Variants in BCL11B observed in about 807,000 individuals in gnomAD.
The protein encoded by BCL11B is B-cell lymphoma/leukemia 11B.
Under a neutral mutation model 49.9 loss-of-function variants are expected in BCL11B, and 8 were observed. The ratio of observed to expected loss-of-function variants is 0.16; its 90% CI spans 0.09 to 0.29. The LOEUF is 0.29. Among genes scored for constraint, BCL11B ranks in the 10% least tolerant of loss-of-function variants. BCL11B has a pLI of 1.00. For synonymous variants in BCL11B, 739 were observed against 637.4 expected, an observed-to-expected ratio of 1.16 and a Z score of -2.40; for missense variants, 1,006 against 1,351.0, an observed-to-expected ratio of 0.74 and a Z score of 4.00.
intron 3 of BCL11B, among the ~76,000 whole-genome samples, chr14:99,229,170 G>A (rs951737410): frequency 3.9e-5 from 6 of 152,172 alleles, no homozygotes; most frequent in Non-Finnish European, 7.4e-5. Context: ...ACGGATAGAC[G>A]TGAGCTGTGA....
chr14:99,213,111 C>T lies in BCL11B; in HGVS notation c.640+18234G>A, dbSNP rs1038770177. Among the ~76,000 whole-genome samples, 1 of 152,208 alleles carries T rather than the reference C, an allele frequency of 6.6e-6. No homozygotes were observed. ...AGAGTGGGGGACCTACTGCCATCTGCTTAAAACTCACATGAGCAGACAGAC... is the reference window on the plus strand; with the variant it reads ...AGAGTGGGGGACCTACTGCCATCTGTTTAAAACTCACATGAGCAGACAGAC... On this transcript the variant is annotated intron_variant, in intron 3 of 3. Transcript: ENST00000357195. The surrounding 1 kb of genome is among the most constrained non-coding windows in gnomAD (Gnocchi z 5.1).
intron 1 of BCL11B, among the ~76,000 whole-genome samples, chr14:99,260,278 G>GC (rs1278613820): frequency 1.3e-5 from 2 of 152,172 alleles, no homozygotes; most frequent in African/African-American, 4.8e-5. Context: ...GCAAACTCCT[G>GC]CATCAGTGGA....
In BCL11B at chr14:99,180,073, C is replaced by G. The variant is rs537410754; in HGVS notation, c.641-3878G>C. On this transcript the variant is annotated intron_variant, in intron 3 of 3. Transcript: ENST00000357195. ...CTGGGGGCTGGCCCACTCCCCTTCC[C>G]GGGACCAGATGTTTCCTGGCTGTCA... 1.1e-4 allele frequency among the ~76,000 whole-genome samples: 16 copies of G among 152,294 alleles called. No homozygotes were observed. In the South Asian group the frequency reaches 3.1e-3, roughly 30 times the overall value.
chr14:99,271,032 G>T, intron 1 of BCL11B, 129 bp downstream of exon 1: 1 of 981,122 alleles, frequency 1.0e-6, no homozygotes, highest in Non-Finnish European at 1.4e-6. Flanking sequence ...GGCCGACGCC[G>T]TAGACTCTGC....
rs188724625 is a variant in BCL11B, at chr14:99,257,133, A to T, written c.427+338T>A. On this transcript the variant is annotated intron_variant, in intron 2 of 3. Transcript: ENST00000357195. The surrounding 1 kb of genome is among the most constrained non-coding windows in gnomAD (Gnocchi z 6.2). ...TAACCCAAAACTGTCTGGCTTCAAAATCAGGGACTAAGCCAAGATCAGTAG... is the reference window on the plus strand; with the variant it reads ...TAACCCAAAACTGTCTGGCTTCAAATTCAGGGACTAAGCCAAGATCAGTAG... Among the ~76,000 whole-genome samples, 2 of 152,282 alleles carry T rather than the reference A, an allele frequency of 1.3e-5. No homozygotes were observed. The highest frequency in any genetic ancestry group is 3.9e-4 in the East Asian group (2 of 5,172).
intron 2 of BCL11B, among the ~76,000 whole-genome samples, chr14:99,249,055 G>A (rs923012255): frequency 2.0e-5 from 3 of 152,176 alleles, no homozygotes; most frequent in Non-Finnish European, 2.9e-5. Flanking sequence ...ACAGATGTGT[G>A]CAGGACAGGT....
Position 99,175,165 on chromosome 14 carries a change from G to C in BCL11B, c.1671C>G (p.Ser557Arg). Residue 557 changes from serine (S) to arginine (R), a missense_variant, in exon 4 of 4, where the codon AGC becomes AGG. Coordinates refer to ENST00000357195, the MANE Select transcript of BCL11B (RefSeq NM_138576.4). ...GGTTGCGGCTCAGCTCCGAGTCCAT[G>C]CTGAAGCTCGACTCGGGCCGGCTCT... ...ENESRPESSF[S>R]MDSELSRNRE... The C allele has an allele frequency of 6.3e-7, 1 of 1,589,252 alleles. No individual in the cohort carries two copies. Among genetic ancestry groups the C allele is most frequent in the Non-Finnish European group, 8.5e-7 (1 of 1,170,172 alleles).
chr14:99,234,880 A>AAAAAG (rs143975117), intron 2 of BCL11B, among the ~76,000 whole-genome samples: 1,515 of 119,522 alleles, frequency 0.013, 37 homozygotes, highest in Non-Finnish European at 0.019. Context: ...AAAAAAAAAA[A>AAAAAG]GTCTAAAAAT....
chr14:99,236,819 C>T (rs1316067405), intron 2 of BCL11B, among the ~76,000 whole-genome samples: 2 of 152,234 alleles, frequency 1.3e-5, no homozygotes, highest in Non-Finnish European at 2.9e-5. Context: ...TCTGCTAAGA[C>T]TGCACGCTCA....
rs539486857 is a variant in BCL11B at position 99,194,112 on chromosome 14, T to C, written c.641-17917A>G. Among the ~76,000 whole-genome samples the C allele has an allele frequency of 5.3e-5, 8 of 152,192 alleles. No homozygotes were observed. The highest frequency in any genetic ancestry group is 1.0e-4 in the Non-Finnish European group (7 of 68,038). On this transcript the variant is annotated intron_variant, in intron 3 of 3. Coordinates refer to ENST00000357195, the MANE Select transcript of BCL11B (RefSeq NM_138576.4). This position sits in a 1 kb window ranked among gnomAD's most constrained non-coding sequence, Gnocchi z 4.6. Reference sequence around the variant, plus strand: ...ATGGGAATGTCGTGAGAAACGTGCATGACCCCACACATGAATTCTCCCAAA... The same window carrying C: ...ATGGGAATGTCGTGAGAAACGTGCACGACCCCACACATGAATTCTCCCAAA...
At chr14:99,179,904 A>AGCCT (rs1886652156) in intron 3 of BCL11B, among the ~76,000 whole-genome samples, 1 of 152,220 alleles carries the variant, frequency 6.6e-6, no homozygotes, top group Non-Finnish European at 1.5e-5. Context: ...CAGAAATGGA[A>AGCCT]CAATGTCAGA....
Position 99,242,123 on chromosome 14 carries a change from G to T in BCL11B, c.428-10566C>A, listed in dbSNP as rs1152789. ...TGAAGGAAGACTTTCTGAGCGGTTC[G>T]GTTCAGAGTTTTAGGAGAACAAGAA... On this transcript the variant is annotated intron_variant, in intron 2 of 3. Transcript: ENST00000357195. The surrounding 1 kb of genome is among the most constrained non-coding windows in gnomAD (Gnocchi z 4.4). Among the ~76,000 whole-genome samples the T allele has an allele frequency of 6.0e-3, 918 of 152,226 alleles. 9 individuals carry two copies. Among genetic ancestry groups the T allele is most frequent in the African/African-American group, 0.021 (868 of 41,516 alleles).
chr14:99,201,222 A>G (rs550139110), intron 3 of BCL11B, among the ~76,000 whole-genome samples: 1 of 152,356 alleles, frequency 6.6e-6, no homozygotes, highest in East Asian at 1.9e-4. Flanking sequence ...ACCAAGGCTC[A>G]TTGTAAAGAA....
At position 99,194,819 on chromosome 14, in the gene BCL11B, G is replaced by A. The variant is rs1033341054; in HGVS notation, c.641-18624C>T. ...TAGCAACCCCCGAGGATGCAGACAG[G>A]CCTGAACCACGGGCACCCGACCAGT... On this transcript the variant is annotated intron_variant, in intron 3 of 3. Transcript: ENST00000357195. This position sits in a 1 kb window ranked among gnomAD's most constrained non-coding sequence, Gnocchi z 4.6. Among the ~76,000 whole-genome samples the A allele has an allele frequency of 6.6e-6, 1 of 152,204 alleles. No individual in the cohort carries two copies. Among genetic ancestry groups the A allele is most frequent in the Admixed American group, 6.5e-5 (1 of 15,282 alleles).
rs565075172 is a variant in BCL11B, at chr14:99,241,376, G to A, written c.428-9819C>T. On this transcript the variant is annotated intron_variant, in intron 2 of 3. Transcript: ENST00000357195. The surrounding 1 kb of genome is among the most constrained non-coding windows in gnomAD (Gnocchi z 4.4). ...AGGATCCCAACGAGCTCCAATTCCA[G>A]ATCGGGGCGAGAATCTAGCTGTAAT... Among the ~76,000 whole-genome samples, 17 of 151,902 alleles carry A rather than the reference G, an allele frequency of 1.1e-4. No homozygotes were observed. Among genetic ancestry groups the A allele is most frequent in the African/African-American group, 3.9e-4 (16 of 41,402 alleles).
At chr14:99,182,578 G>T (rs1886739071) in intron 3 of BCL11B, among the ~76,000 whole-genome samples, 1 of 152,194 alleles carries the variant, frequency 6.6e-6, no homozygotes, top group South Asian at 2.1e-4. Flanking sequence ...AAAAATAATA[G>T]ATGCCATTTA....
chr14:99,230,362 C>G (rs914326992), intron 3 of BCL11B, among the ~76,000 whole-genome samples: 10 of 152,218 alleles, frequency 6.6e-5, no homozygotes, highest in Non-Finnish European at 1.3e-4. Context: ...AGGGACCAAT[C>G]AAATCTGCCC....
At chr14:99,218,506 C>G (rs1469485499) in intron 3 of BCL11B, among the ~76,000 whole-genome samples, 1 of 152,092 alleles carries the variant, frequency 6.6e-6, no homozygotes, top group African/African-American at 2.4e-5. Flanking sequence ...TGAGTGCTAG[C>G]CGAAGGGCCA....
chr14:99,235,320 T>C (rs1039984127), intron 2 of BCL11B, among the ~76,000 whole-genome samples: 3 of 152,166 alleles, frequency 2.0e-5, no homozygotes, highest in Non-Finnish European at 2.9e-5. Flanking sequence ...CTACTGATAG[T>C]GCAGAAATGA....
Sources: gnomAD v4.1 joint callset for allele counts (sites outside exome capture counted in the v4.1 genomes callset) on GRCh38, gnomAD v4.1.1 for gene constraint, Gnocchi (gnomAD v3.1) non-coding constraint, MANE v1.5 for transcripts, NCBI Gene and HGNC (gene_info 2026-07-23, HGNC 2026-07-21) for gene names.